Variants in CIDEC observed in about 807,000 individuals in gnomAD.
CIDEC encodes the protein lipid transferase CIDEC.
CIDEC carries 11 observed loss-of-function variants against 21.9 expected under a neutral mutation model. The observed-to-expected ratio is 0.50, with a 90% CI of 0.32 to 0.83. The LOEUF (loss-of-function observed/expected upper bound fraction) is 0.83. Among genes scored for constraint, CIDEC ranks in the 40% least tolerant of loss-of-function variants. The pLI, the probability that CIDEC is intolerant of heterozygous loss-of-function variation, is 0.04. For synonymous variants in CIDEC, 127 were observed against 124.9 expected, an observed-to-expected ratio of 1.02 and a Z score of -0.11; for missense variants, 302 against 302.3, an observed-to-expected ratio of 1.00 and a Z score of 0.01.
At chr3:9,874,409 G>A (rs1168624347) in intron 4 of CIDEC, among the ~76,000 whole-genome samples, 4 of 151,744 alleles carry the variant, frequency 2.6e-5, no homozygotes, top group Admixed American at 1.3e-4. Flanking sequence ...CTAGCGAGTC[G>A]GGAGGCTGAG....
At chr3:9,871,410 C>T (rs1304709401) in intron 4 of CIDEC, among the ~76,000 whole-genome samples, 4 of 143,136 alleles carry the variant, frequency 2.8e-5, no homozygotes, top group African/African-American at 2.6e-5. Context: ...TGGTCTCAAA[C>T]TCCTGGGCTC....
In CIDEC at chr3:9,869,916, C is replaced by T; in HGVS notation, c.520G>A (p.Asp174Asn). 1 of 1,613,692 alleles carries T rather than the reference C, an allele frequency of 6.2e-7. No individual in the cohort carries two copies. ...TFYDTYSLSYDLHCCGAKRIM... is the reference protein window; with the variant it reads ...TFYDTYSLSYNLHCCGAKRIM... ...CGCTTGGCCCCACAGCAGTGCAGAT[C>T]ATAGGAAAGGGAGTATGTATCATAA... Residue 174 changes from aspartate to asparagine, a missense_variant, in exon 6 of 7, where the codon GAT becomes AAT. By Grantham distance (23) the Asp-to-Asn change is conservative. Transcript: ENST00000336832.
At chr3:9,879,889 G>A (rs992881696) in intron 1 of CIDEC, among the ~76,000 whole-genome samples, 1 of 152,146 alleles carries the variant, frequency 6.6e-6, no homozygotes, top group Non-Finnish European at 1.5e-5. Context: ...CCTATTCGAA[G>A]CTCCCGGCAC....
chr3:9,874,925 G>A (rs1219437032), intron 4 of CIDEC, among the ~76,000 whole-genome samples: 2 of 152,078 alleles, frequency 1.3e-5, no homozygotes, highest in African/African-American at 4.8e-5. Flanking sequence ...TATAGACGGG[G>A]TCTCACCATG....
At chr3:9,877,578 C>A (rs1185027209) in intron 3 of CIDEC, among the ~76,000 whole-genome samples, 5 of 152,188 alleles carry the variant, frequency 3.3e-5, no homozygotes, top group African/African-American at 1.2e-4. Flanking sequence ...ATTGCTTGAA[C>A]CCTGGGAGGC....
At position 9,877,163 on chromosome 3, in the gene CIDEC, G is replaced by A; in HGVS notation, c.110C>T (p.Pro37Leu). 1 of 1,551,512 alleles carries A rather than the reference G, an allele frequency of 6.4e-7. No homozygotes were observed. Among genetic ancestry groups the A allele is most frequent in the South Asian group, 1.2e-5 (1 of 84,054 alleles). The part of the protein sequence containing the change: ...VTQQLLSEPS[P>L]KAPRARPCRV... The stretch of plus-strand genomic sequence containing the variant: ...GCAGGGCCGGGCCCTGGGGGCCTTG[G>A]GGCTGGGCTCCGACAGCAGCTGCTG... Residue 37 changes from proline to leucine, a missense_variant, in exon 4 of 7, where the codon CCC (proline) becomes CTC (leucine). Physicochemically the swap from Pro to Leu is moderately conservative, Grantham distance 98 (BLOSUM62 -3). Coordinates refer to ENST00000336832, the MANE Select transcript of CIDEC (RefSeq NM_001321142.2).
In CIDEC at chr3:9,869,923, A is replaced by C; in HGVS notation, c.513T>G (p.Leu171=). 1 of 1,613,698 alleles carries C rather than the reference A, an allele frequency of 6.2e-7. No individual in the cohort carries two copies. Among genetic ancestry groups the C allele is most frequent in the Non-Finnish European group, 8.5e-7 (1 of 1,179,958 alleles). The change falls in exon 6 of 7, where the codon CTT becomes CTG. Residue 171 remains leucine, a synonymous_variant. Transcript: ENST00000336832. Reference sequence around the variant, plus strand: ...CCCCACAGCAGTGCAGATCATAGGAAAGGGAGTATGTATCATAAAAAGTCG... The same window carrying C: ...CCCCACAGCAGTGCAGATCATAGGACAGGGAGTATGTATCATAAAAAGTCG... ...VKATFYDTYS[L]SYDLHCCGAK...
chr3:9,879,222 G>A (rs1460939665), intron 1 of CIDEC, among the ~76,000 whole-genome samples, 168 bp from the exon 2 acceptor site: 1 of 146,524 alleles, frequency 6.8e-6, no homozygotes, highest in African/African-American at 2.5e-5. Flanking sequence ...GGGCGATCTT[G>A]CTCACTACAA....
Position 9,873,623 on chromosome 3 carries a change from CA to C in CIDEC, c.208-3302del, listed in dbSNP as rs570208620. Among the ~76,000 whole-genome samples, 27 of 144,460 alleles carry C rather than the reference CA, an allele frequency of 1.9e-4. No individual in the cohort carries two copies. In the South Asian group the frequency reaches 2.4e-3, roughly 13 times the overall value. The allele number at this position is 144,460 out of a possible 152,430, so 94.8% of individuals were successfully genotyped here. A position where few individuals can be genotyped will look rare whatever the true frequency, so the allele number is the denominator to read the frequency against. The stretch of plus-strand genomic sequence containing the variant: ...AGAGTGAGACTCCGTCTCACCGTCT[CA>C]AAAAAAAAAAGTGTCATGACACTTA... On this transcript the variant is annotated intron_variant, in intron 4 of 6. Transcript: ENST00000336832.
intron 4 of CIDEC, among the ~76,000 whole-genome samples, chr3:9,875,290 T>A (rs1194780943): frequency 1.4e-5 from 2 of 143,066 alleles, no homozygotes; most frequent in East Asian, 4.1e-4. Flanking sequence ...GGCAGGAGAA[T>A]GGTGGGAAGC....
At chr3:9,871,691 A>T (rs1165945710) in intron 4 of CIDEC, among the ~76,000 whole-genome samples, 4 of 150,794 alleles carry the variant, frequency 2.7e-5, no homozygotes, top group Non-Finnish European at 5.9e-5. Context: ...GTGCAGTGGC[A>T]TGATCTCGAC....
chr3:9,867,278 G>A lies in CIDEC; in HGVS notation c.573C>T (p.Ala191=), dbSNP rs747492172. The change falls in exon 7 of 7, where the codon GCC becomes GCT. Residue 191 remains alanine (A), a synonymous_variant. Coordinates refer to ENST00000336832, the MANE Select transcript of CIDEC (RefSeq NM_001321142.2). ...KRIMKEAFRW[A]LFSMQATGHV... ...GGCCTGTGGCCTGCATGCTGAAGAGGGCCCAGCGGAAAGCTTCCCTGGGTG... is the reference window on the plus strand; with the variant it reads ...GGCCTGTGGCCTGCATGCTGAAGAGAGCCCAGCGGAAAGCTTCCCTGGGTG... 3.7e-6 allele frequency: 6 copies of A among 1,614,064 alleles called. No homozygotes were observed. Among genetic ancestry groups the A allele is most frequent in the Non-Finnish European group, 4.2e-6 (5 of 1,180,050 alleles).
chr3:9,875,547 C>T (rs758750445), intron 4 of CIDEC, among the ~76,000 whole-genome samples: 3 of 152,206 alleles, frequency 2.0e-5, no homozygotes, highest in Non-Finnish European at 4.4e-5. Context: ...TAAATAAACA[C>T]TTGATCCTGA....
intron 4 of CIDEC, chr3:9,870,572 A>G: frequency 1.7e-6 from 2 of 1,150,540 alleles, no homozygotes; most frequent in Non-Finnish European, 2.5e-6. Flanking sequence ...CTAAAAGTGT[A>G]CAATTCAGGG....
At chr3:9,871,639 CTTTTTT>C (rs939000169) in intron 4 of CIDEC, among the ~76,000 whole-genome samples, 2 of 149,186 alleles carry the variant, frequency 1.3e-5, no homozygotes, top group African/African-American at 5.0e-5. Flanking sequence ...ATTTTTTTTT[CTTTTTT>C]TGAGACTGAG....
chr3:9,878,246 C>T, intron 3 of CIDEC, 188 bp downstream of exon 3: 1 of 643,252 alleles, frequency 1.6e-6, no homozygotes, highest in Non-Finnish European at 2.8e-6. Context: ...GTGGTGTAAG[C>T]AGCAGCATTA....
chr3:9,872,821 C>T (rs1034966419), intron 4 of CIDEC, among the ~76,000 whole-genome samples: 3 of 152,102 alleles, frequency 2.0e-5, no homozygotes, highest in African/African-American at 7.2e-5. Context: ...AACCCCGTCT[C>T]TACTAAAATT....
chr3:9,878,038 C>T, intron 3 of CIDEC: 1 of 211,268 alleles, frequency 4.7e-6, no homozygotes. Flanking sequence ...ATTTTACAGT[C>T]AGGCAGTCCC....
chr3:9,878,840 G>A (rs2125054453), intron 2 of CIDEC, 102 bp downstream of exon 2: 1 of 1,535,686 alleles, frequency 6.5e-7, no homozygotes, highest in East Asian at 2.4e-5. Context: ...CAGGGCTGAA[G>A]AAGCCTTGCC....
Sources: gnomAD v4.1 joint callset for allele counts (sites outside exome capture counted in the v4.1 genomes callset) on GRCh38, gnomAD v4.1.1 for gene constraint, MANE v1.5 for transcripts, NCBI Gene and HGNC (gene_info 2026-07-23, HGNC 2026-07-21) for gene names.